Variants in GABRG3 observed in about 807,000 individuals in gnomAD.
The protein encoded by GABRG3 is gamma-aminobutyric acid receptor subunit gamma-3.
A neutral mutation model predicts 48.8 loss-of-function variants in GABRG3; 25 were observed. The observed-to-expected ratio is 0.51, with a 90% confidence interval of 0.37 to 0.72. The LOEUF is 0.72. GABRG3 is among the 30% of genes least tolerant of loss of function. The pLI is 0.00. For missense variants in GABRG3, 394 were observed against 577.9 expected, an observed-to-expected ratio of 0.68 and a Z score of 3.26; for synonymous variants, 227 against 217.6, an observed-to-expected ratio of 1.04 and a Z score of -0.38.
chr15:27,383,750 T>C (rs908636429), intron 5 of GABRG3, among the ~76,000 whole-genome samples: 8 of 152,234 alleles, frequency 5.3e-5, no homozygotes, highest in African/African-American at 1.4e-4. Context: ...CATGTCATTT[T>C]CTTCATTGTT....
intron 5 of GABRG3, among the ~76,000 whole-genome samples, chr15:27,382,721 C>T (rs1427742535): frequency 1.3e-5 from 2 of 152,106 alleles, no homozygotes; most frequent in East Asian, 1.9e-4. Flanking sequence ...ATTTTGGATA[C>T]GTTAAGCATA....
At chr15:27,209,879 CT>C (rs1267118161) in intron 3 of GABRG3, among the ~76,000 whole-genome samples, 1 of 152,216 alleles carries the variant, frequency 6.6e-6, no homozygotes, top group Non-Finnish European at 1.5e-5. Context: ...AGCCACCTTC[CT>C]GCTGTGTCCT....
intron 3 of GABRG3, among the ~76,000 whole-genome samples, chr15:27,064,870 G>A (rs1376662991): frequency 6.6e-6 from 1 of 152,190 alleles, no homozygotes; most frequent in Non-Finnish European, 1.5e-5. Context: ...TCAGGACTGA[G>A]TCCCACCTTC....
At chr15:27,170,931 A>T (rs977051733) in intron 3 of GABRG3, among the ~76,000 whole-genome samples, 4 of 152,344 alleles carry the variant, frequency 2.6e-5, no homozygotes, top group African/African-American at 7.2e-5. Flanking sequence ...GCAATTTTCA[A>T]ATTGAAAATA....
chr15:27,222,037 AG>A (rs1444416516), intron 3 of GABRG3, among the ~76,000 whole-genome samples: 9 of 152,236 alleles, frequency 5.9e-5, no homozygotes, highest in South Asian at 4.1e-4. Flanking sequence ...GCCTTTCAAA[AG>A]GCAAATTTTC....
At chr15:27,431,459 C>G (rs1206171349) in intron 5 of GABRG3, among the ~76,000 whole-genome samples, 1 of 152,112 alleles carries the variant, frequency 6.6e-6, no homozygotes, top group Non-Finnish European at 1.5e-5. Flanking sequence ...TGATATCATG[C>G]TCTCTATAAA....
chr15:27,470,774 T>A (rs1293097631), intron 5 of GABRG3, among the ~76,000 whole-genome samples: 2 of 152,200 alleles, frequency 1.3e-5, no homozygotes, highest in African/African-American at 4.8e-5. Context: ...TAAATCATTT[T>A]TTTAATGTAG....
intron 9 of GABRG3, among the ~76,000 whole-genome samples, chr15:27,531,570 A>G (rs1274383392): frequency 1.3e-5 from 2 of 152,146 alleles, no homozygotes; most frequent in Non-Finnish European, 2.9e-5. Context: ...CCTTGGTGTC[A>G]CCCTCCATGG....
In GABRG3 at chr15:26,995,421, T is replaced by C. The variant is rs144653437; in HGVS notation, c.202+18271T>C. 1.8e-3 allele frequency among the ~76,000 whole-genome samples: 271 copies of C among 152,226 alleles called. 1 individual carries two copies. Among genetic ancestry groups the C allele is most frequent in the African/African-American group, 6.1e-3 (252 of 41,598 alleles). On this transcript the variant is annotated intron_variant, in intron 2 of 9. Transcript: ENST00000615808. ...CCATTCTCATAATTTCTGCCCATTA[T>C]ATTGTTTAATCAATTTATCTTGAAT...
chr15:27,332,919 T>A lies in GABRG3; in HGVS notation c.574+4031T>A, dbSNP rs537578222. On this transcript the variant is annotated intron_variant, in intron 5 of 9. Transcript: ENST00000615808. The stretch of plus-strand genomic sequence containing the variant: ...TTTTTGAAATAATATTTTAATTAAT[T>A]AAAAATTTCCTATAGCACTTTCTGT... Among the ~76,000 whole-genome samples the A allele has an allele frequency of 8.5e-5, 13 of 152,326 alleles. No homozygotes were observed. In the East Asian group the frequency reaches 2.5e-3, roughly 29 times the overall value.
At chr15:27,336,046 G>A (rs550663038) in intron 5 of GABRG3, among the ~76,000 whole-genome samples, 22 of 152,096 alleles carry the variant, frequency 1.4e-4, no homozygotes, top group African/African-American at 5.1e-4. Flanking sequence ...CAAATTAGCC[G>A]GGTGTGGTGG....
chr15:27,001,968 T>G (rs909631076), intron 2 of GABRG3, among the ~76,000 whole-genome samples: 1 of 151,278 alleles, frequency 6.6e-6, no homozygotes, highest in Admixed American at 6.6e-5. Context: ...TAGATGAAGA[T>G]ATAGTGTGAT....
In GABRG3 at chr15:27,185,652, T is replaced by G. The variant is rs557884772; in HGVS notation, c.271-141157T>G. Among the ~76,000 whole-genome samples the G allele has an allele frequency of 8.5e-5, 13 of 152,284 alleles. 1 individual carries two copies. The South Asian group carries it at 2.7e-3, about 32-fold the overall frequency. ...AGGTTTTGATGTTCTCAATGATAGCTATAAATTTGTATCTTTCTTCTTCAG... is the reference window on the plus strand; with the variant it reads ...AGGTTTTGATGTTCTCAATGATAGCGATAAATTTGTATCTTTCTTCTTCAG... On this transcript the variant is annotated intron_variant, in intron 3 of 9. Transcript: ENST00000615808.
chr15:27,336,255 A>AAAAAGAAAG (rs1566792049), intron 5 of GABRG3, among the ~76,000 whole-genome samples: 1 of 149,806 alleles, frequency 6.7e-6, no homozygotes, highest in African/African-American at 2.5e-5. Context: ...GAAAGAAAGA[A>AAAAAGAAAG]AAAGAAAGAA....
intron 5 of GABRG3, among the ~76,000 whole-genome samples, chr15:27,351,301 TTGTG>T (rs1228008688): frequency 2.9e-5 from 4 of 136,786 alleles, no homozygotes; most frequent in Non-Finnish European, 6.3e-5. Context: ...TATGGTGTGT[TTGTG>T]TGTATGGTGT....
rs868472698 is a variant in GABRG3 at position 26,976,904 on chromosome 15, T to A, written c.54-98T>A. ...TGGTTGGGCTGTGGGTACTGGGGAC[T>A]TTCTACCCATTTCATGGTACTTGGA... On this transcript the variant is annotated intron_variant, in intron 1 of 9. Coordinates refer to ENST00000615808, the MANE Select transcript of GABRG3 (RefSeq NM_033223.5). This position sits in a 1 kb window ranked among gnomAD's most constrained non-coding sequence, Gnocchi z 7.8. 2.4e-6 allele frequency: 3 copies of A among 1,268,772 alleles called. No individual in the cohort carries two copies. The highest frequency in any genetic ancestry group is 3.0e-5 in the African/African-American group (2 of 66,678). The allele number at this position is 1,268,772 out of a possible 1,614,324, so 78.6% of individuals were successfully genotyped here.
At chr15:27,429,204 A>C (rs1888377491) in intron 5 of GABRG3, among the ~76,000 whole-genome samples, 2 of 152,200 alleles carry the variant, frequency 1.3e-5, no homozygotes, top group South Asian at 4.1e-4. Context: ...AAAGATTTGG[A>C]GATAAATCAT....
In GABRG3 at chr15:27,407,611, T is replaced by C. The variant is rs572158718; in HGVS notation, c.575-73039T>C. ...AGTCAACTTTGGTACACCCAGACAATGGAATATTATTCAGGGCTAGTAATA... is the reference window on the plus strand; with the variant it reads ...AGTCAACTTTGGTACACCCAGACAACGGAATATTATTCAGGGCTAGTAATA... On this transcript the variant is annotated intron_variant, in intron 5 of 9. Coordinates refer to ENST00000615808, the MANE Select transcript of GABRG3 (RefSeq NM_033223.5). Among the ~76,000 whole-genome samples, 9 of 152,224 alleles carry C rather than the reference T, an allele frequency of 5.9e-5. No homozygotes were observed. In the East Asian group the frequency reaches 7.7e-4, roughly 13 times the overall value.
intron 6 of GABRG3, among the ~76,000 whole-genome samples, chr15:27,501,077 G>A (rs913350447): frequency 2.0e-5 from 3 of 150,610 alleles, no homozygotes; most frequent in South Asian, 2.1e-4. Context: ...TCAGCCTCCC[G>A]AGTAGCTGGG....
Sources: allele counts gnomAD v4.1 joint callset (sites outside exome capture counted in the v4.1 genomes callset), GRCh38; gene constraint gnomAD v4.1.1; non-coding constraint Gnocchi (gnomAD v3.1); transcripts MANE v1.5; gene names NCBI Gene and HGNC (gene_info 2026-07-23, HGNC 2026-07-21).